Variants in MECOM observed in about 807,000 individuals in gnomAD.
MECOM encodes histone-lysine N-methyltransferase MECOM.
Under a neutral mutation model 116.3 loss-of-function variants are expected in MECOM, and 13 were observed. The observed-to-expected ratio is 0.11, with a 90% CI of 0.07 to 0.18. The LOEUF (loss-of-function observed/expected upper bound fraction) is 0.18. Among genes scored for constraint, MECOM ranks in the 10% least tolerant of loss-of-function variants. The pLI is 1.00. For missense variants in MECOM, 1,299 were observed against 1,509.0 expected (o/e 0.86, Z 2.31); for synonymous variants, 528 against 535.2 (o/e 0.99, Z 0.19).
At chr3:169,097,251 G>T (rs954157056) in intron 12 of MECOM, among the ~76,000 whole-genome samples, 2 of 151,982 alleles carry the variant, frequency 1.3e-5, no homozygotes, top group Non-Finnish European at 2.9e-5. Context: ...TCCAAATCTA[G>T]TAAGCACCAT....
chr3:169,218,840 C>T (rs1751744373), intron 2 of MECOM, among the ~76,000 whole-genome samples: 1 of 152,140 alleles, frequency 6.6e-6, no homozygotes, highest in Non-Finnish European at 1.5e-5. Context: ...GACAATGTTG[C>T]ACCGTATCCA....
intron 2 of MECOM, among the ~76,000 whole-genome samples, chr3:169,355,989 A>G (rs1223430319): frequency 6.6e-6 from 1 of 151,880 alleles, no homozygotes; most frequent in East Asian, 1.9e-4. Flanking sequence ...AGTAAAAGCA[A>G]AGGTCTTAGT....
At chr3:169,134,044 T>G in intron 3 of MECOM, 1 of 869,724 alleles carries the variant, frequency 1.1e-6, no homozygotes, top group Non-Finnish European at 1.6e-6. Flanking sequence ...GACAATACCC[T>G]ACAAGACAGT....
At chr3:169,660,255 G>A (rs1055549862) in intron 1 of MECOM, among the ~76,000 whole-genome samples, 18 of 151,996 alleles carry the variant, frequency 1.2e-4, no homozygotes, top group African/African-American at 4.4e-4. Context: ...TCTTAAAGAT[G>A]GAAATAAAAT....
intron 1 of MECOM, among the ~76,000 whole-genome samples, chr3:169,438,608 C>T (rs1743096325): frequency 6.6e-6 from 1 of 152,206 alleles, no homozygotes; most frequent in South Asian, 2.1e-4. Context: ...CTGCCCCATG[C>T]TCTGGCCGGG....
At chr3:169,315,555 G>T (rs910000977) in intron 2 of MECOM, among the ~76,000 whole-genome samples, 1 of 152,138 alleles carries the variant, frequency 6.6e-6, no homozygotes, top group Non-Finnish European at 1.5e-5. Flanking sequence ...TTGTGTCTTT[G>T]CATGTTAGGT....
At chr3:169,310,358 T>C (rs963669243) in intron 2 of MECOM, among the ~76,000 whole-genome samples, 5 of 152,238 alleles carry the variant, frequency 3.3e-5, no homozygotes, top group African/African-American at 9.6e-5. Context: ...ATTGATCTTA[T>C]GAAATCGCTG....
chr3:169,589,788 T>C (rs1766188508), intron 1 of MECOM, among the ~76,000 whole-genome samples: 1 of 152,198 alleles, frequency 6.6e-6, no homozygotes, highest in East Asian at 1.9e-4. Context: ...AATCTATCTA[T>C]CTGCCTACAA....
At position 169,380,055 on chromosome 3, in the gene MECOM, G is replaced by A. The variant is rs576814227; in HGVS notation, c.375+1132C>T. 9.9e-5 allele frequency among the ~76,000 whole-genome samples: 15 copies of A among 152,210 alleles called. 1 individual carries two copies. The East Asian group carries it at 2.1e-3, about 22-fold the overall frequency. ...TTGAACAAGAATTGCTTTTATTATG[G>A]CATTTTGAACAGATTTCACAAGAGG... On this transcript the variant is annotated intron_variant, in intron 2 of 16. Transcript: ENST00000651503.
chr3:169,524,133 C>A (rs902711219), intron 1 of MECOM, among the ~76,000 whole-genome samples: 6 of 150,290 alleles, frequency 4.0e-5, no homozygotes, highest in African/African-American at 1.2e-4. Flanking sequence ...TATCCCTGAA[C>A]CTATCAATAA....
intron 3 of MECOM, chr3:169,133,796 TGA>T: frequency 6.2e-6 from 3 of 486,804 alleles, no homozygotes; most frequent in South Asian, 5.6e-5. Flanking sequence ...AAATAATGTG[TGA>T]GTTTGCTTTT....
intron 2 of MECOM, among the ~76,000 whole-genome samples, chr3:169,309,125 C>T (rs1210132053): frequency 6.6e-6 from 1 of 152,030 alleles, no homozygotes; most frequent in Admixed American, 6.5e-5. Context: ...CAAAGGAATT[C>T]CCCTGAAACC....
intron 4 of MECOM, among the ~76,000 whole-genome samples, chr3:169,130,272 C>G (rs1734226221): frequency 6.6e-6 from 1 of 152,060 alleles, no homozygotes; most frequent in African/African-American, 2.4e-5. Flanking sequence ...ATTCATTGCA[C>G]CAGAGAAAGC....
rs34992808 is a variant in MECOM at position 169,140,683 on chromosome 3, GAA to G, written c.510+3013_510+3014del. Among the ~76,000 whole-genome samples, 746 of 149,114 alleles carry G rather than the reference GAA, an allele frequency of 5.0e-3. 3 individuals carry two copies. The highest frequency in any genetic ancestry group is 0.018 in the South Asian group (86 of 4,732). ...AGCTGCCACAAAGCTCATTCTGTCT[GAA>G]AAAAAAAAAATCTGAAATGAAATAA... On this transcript the variant is annotated intron_variant, in intron 3 of 16. Transcript: ENST00000651503.
intron 1 of MECOM, among the ~76,000 whole-genome samples, chr3:169,531,072 C>G (rs141347084): frequency 6.6e-6 from 1 of 152,268 alleles, no homozygotes; most frequent in African/African-American, 2.4e-5. Context: ...GGTCCCATCC[C>G]TGATCATTAG....
chr3:169,105,312 C>G (rs183775777), intron 10 of MECOM, among the ~76,000 whole-genome samples: 5 of 152,146 alleles, frequency 3.3e-5, no homozygotes, highest in African/African-American at 1.2e-4. Flanking sequence ...CTAGTCAACA[C>G]CTTAGATTAA....
chr3:169,648,178 A>C (rs1311264320), intron 1 of MECOM, among the ~76,000 whole-genome samples: 1 of 152,228 alleles, frequency 6.6e-6, no homozygotes, highest in Non-Finnish European at 1.5e-5. Context: ...AGTCCTGGCC[A>C]ATGCCAAGGA....
intron 1 of MECOM, among the ~76,000 whole-genome samples, chr3:169,527,918 A>G (rs1758147377): frequency 6.6e-6 from 1 of 152,188 alleles, no homozygotes; most frequent in Admixed American, 6.5e-5. Context: ...TAACTGTGTC[A>G]TCTGTCTGTC....
intron 1 of MECOM, among the ~76,000 whole-genome samples, chr3:169,506,106 C>T (rs762595143): frequency 2.6e-5 from 4 of 152,184 alleles, no homozygotes; most frequent in East Asian, 1.9e-4. Flanking sequence ...ATTGCTCTCT[C>T]GTGGTGGCTC....
Sources: allele counts gnomAD v4.1 joint callset (sites outside exome capture counted in the v4.1 genomes callset), GRCh38; gene constraint gnomAD v4.1.1; transcripts MANE v1.5; gene names NCBI Gene and HGNC (gene_info 2026-07-23, HGNC 2026-07-21).